CDH4: variants seen among roughly 807,000 people sequenced by gnomAD.
The protein encoded by CDH4 is cadherin-4.
In CDH4, 33 loss-of-function variants were observed where a neutral mutation model predicts 86.0. That is an observed-to-expected ratio of 0.38 (90% CI 0.29 to 0.51). The LOEUF is 0.51. Among genes scored for constraint, CDH4 ranks in the 20% least tolerant of loss-of-function variants. The pLI, the probability that CDH4 is intolerant of heterozygous loss-of-function variation, is 0.86. For synonymous variants in CDH4, 555 were observed against 549.4 expected, an observed-to-expected ratio of 1.01 and a Z score of -0.14; for missense variants, 1,114 against 1,307.4, an observed-to-expected ratio of 0.85 and a Z score of 2.28.
intron 2 of CDH4, among the ~76,000 whole-genome samples, chr20:61,630,231 C>T (rs1002761): frequency 0.59 from 89,281 of 152,034 alleles, 26,377 homozygotes; most frequent in East Asian, 0.72. Flanking sequence ...GTGTGTGCAG[C>T]GCATGTTGCA....
At position 61,371,123 on chromosome 20, in the gene CDH4, G is replaced by C. The variant is rs932339123; in HGVS notation, c.169+116186G>C. 2.0e-5 allele frequency among the ~76,000 whole-genome samples: 3 copies of C among 152,246 alleles called. No homozygotes were observed. The South Asian group carries it at 6.2e-4, about 31-fold the overall frequency. ...TGGAGCGAGCAGGCTGGGCACTGGA[G>C]CGTGTAATCTGATTGCAGCCGGGAG... is the stretch of plus-strand genomic sequence containing the variant. On this transcript the variant is annotated intron_variant, in intron 2 of 15. Transcript: ENST00000614565.
chr20:61,594,977 C>T (rs2086544746), intron 2 of CDH4, among the ~76,000 whole-genome samples: 1 of 152,194 alleles, frequency 6.6e-6, no homozygotes, highest in Admixed American at 6.5e-5. Context: ...ATCCTCTTTA[C>T]CCCAGCGCTG....
chr20:61,599,779 T>G, intron 2 of CDH4: 1 of 985,836 alleles, frequency 1.0e-6, no homozygotes, highest in South Asian at 4.7e-5. Context: ...GCTCTGGCTT[T>G]CTTCTTTCTC....
At chr20:61,667,646 G>GCA (rs35914981) in intron 2 of CDH4, among the ~76,000 whole-genome samples, 56,437 of 151,486 alleles carry the variant, frequency 0.37, 10,788 homozygotes, top group East Asian at 0.55. Flanking sequence ...TTTGTGTGTG[G>GCA]CACACACACA....
At chr20:61,347,750 C>T (rs1185331883) in intron 2 of CDH4, among the ~76,000 whole-genome samples, 5 of 152,206 alleles carry the variant, frequency 3.3e-5, no homozygotes, top group African/African-American at 1.2e-4. Flanking sequence ...TTCTTTGTCT[C>T]ATAACATTTG....
In CDH4 at chr20:61,676,478, C is replaced by G. The variant is rs2087445717; in HGVS notation, c.170-67085C>G. On this transcript the variant is annotated intron_variant, in intron 2 of 15. Transcript: ENST00000614565. This position sits in a 1 kb window ranked among gnomAD's most constrained non-coding sequence, Gnocchi z 4.5. The stretch of plus-strand genomic sequence containing the variant: ...CCGGGGCTCCCTCCTCCTGGGTCTA[C>G]CCCTTTAGGAGCAGGGTGGAGGGGG... Among the ~76,000 whole-genome samples, 1 of 152,062 alleles carries G rather than the reference C, an allele frequency of 6.6e-6. No individual in the cohort carries two copies. Among genetic ancestry groups the G allele is most frequent in the African/African-American group, 2.4e-5 (1 of 41,398 alleles).
chr20:61,647,931 C>T (rs1018531798), intron 2 of CDH4, among the ~76,000 whole-genome samples: 1 of 152,174 alleles, frequency 6.6e-6, no homozygotes, highest in African/African-American at 2.4e-5. Flanking sequence ...TGAGCACACC[C>T]CTGCAGGGGC....
intron 2 of CDH4, among the ~76,000 whole-genome samples, chr20:61,437,726 TAAAA>T (rs1360243850): frequency 6.6e-6 from 1 of 152,174 alleles, no homozygotes; most frequent in Non-Finnish European, 1.5e-5. Flanking sequence ...GTACTCCACT[TAAAA>T]GGACTTAGGT....
intron 2 of CDH4, among the ~76,000 whole-genome samples, chr20:61,281,141 G>A (rs923114281): frequency 6.6e-6 from 1 of 152,202 alleles, no homozygotes; most frequent in African/African-American, 2.4e-5. Context: ...AGAGGACCGT[G>A]CTTGGCTCTG....
intron 2 of CDH4, among the ~76,000 whole-genome samples, chr20:61,347,195 C>G (rs2084684567): frequency 1.3e-5 from 2 of 152,220 alleles, no homozygotes; most frequent in Admixed American, 1.3e-4. Context: ...GCCTCGTGCC[C>G]CACATGGCCG....
At chr20:61,367,404 A>G (rs1455025813) in intron 2 of CDH4, among the ~76,000 whole-genome samples, 1 of 152,258 alleles carries the variant, frequency 6.6e-6, no homozygotes, top group Non-Finnish European at 1.5e-5. Flanking sequence ...AATTAAAAAA[A>G]AACAATGGAG....
At chr20:61,460,339 G>A (rs6089720) in intron 2 of CDH4, among the ~76,000 whole-genome samples, 6 of 152,134 alleles carry the variant, frequency 3.9e-5, no homozygotes, top group Admixed American at 3.9e-4. Context: ...GTCTCTTTAA[G>A]GAATGCAGGT....
At chr20:61,286,604 C>T (rs2084294569) in intron 2 of CDH4, among the ~76,000 whole-genome samples, 1 of 152,216 alleles carries the variant, frequency 6.6e-6, no homozygotes, top group African/African-American at 2.4e-5. Flanking sequence ...TGCAAGTAAA[C>T]ATATGACAGC....
chr20:61,824,360 C>CAA (rs559612224), intron 4 of CDH4, among the ~76,000 whole-genome samples: 72 of 113,394 alleles, frequency 6.3e-4, no homozygotes, highest in African/African-American at 1.9e-3. Context: ...GATAAAAATA[C>CAA]AAAAAAAAAA....
intron 2 of CDH4, among the ~76,000 whole-genome samples, chr20:61,344,643 A>G (rs1016667079): frequency 6.6e-6 from 1 of 152,176 alleles, no homozygotes; most frequent in Admixed American, 6.5e-5. Context: ...CCTGTTGCTC[A>G]TTAATTTAGA....
intron 2 of CDH4, among the ~76,000 whole-genome samples, chr20:61,448,817 ATTCT>A (rs2085365638): frequency 6.6e-6 from 1 of 152,134 alleles, no homozygotes; most frequent in Non-Finnish European, 1.5e-5. Flanking sequence ...TGAAAAGGCT[ATTCT>A]TTCTTTTTTT....
intron 6 of CDH4, among the ~76,000 whole-genome samples, chr20:61,859,430 C>T (rs759206785): frequency 1.6e-4 from 25 of 152,180 alleles, no homozygotes; most frequent in African/African-American, 3.4e-4. Flanking sequence ...CTTCCTCTTA[C>T]GGAGCAGGCT....
intron 2 of CDH4, among the ~76,000 whole-genome samples, chr20:61,429,543 G>A (rs1568841288): frequency 6.6e-6 from 1 of 151,894 alleles, no homozygotes; most frequent in Non-Finnish European, 1.5e-5. Flanking sequence ...GGGTGTGTGA[G>A]TGGATGGATG....
At chr20:61,661,310 A>G (rs1229378983) in intron 2 of CDH4, among the ~76,000 whole-genome samples, 1 of 152,124 alleles carries the variant, frequency 6.6e-6, no homozygotes, top group Non-Finnish European at 1.5e-5. Flanking sequence ...GGAAAGCTGG[A>G]TTTTGCATCA....
Sources: allele counts gnomAD v4.1 joint callset (sites outside exome capture counted in the v4.1 genomes callset), GRCh38; gene constraint gnomAD v4.1.1; non-coding constraint Gnocchi (gnomAD v3.1); transcripts MANE v1.5; gene names NCBI Gene and HGNC (gene_info 2026-07-23, HGNC 2026-07-21).